The following CSMD1 variants were observed in gnomAD, a reference collection of about 807,000 sequenced individuals.
CSMD1 encodes the protein CUB and Sushi multiple domains 1, also known as CUB and sushi domain-containing protein 1.
In CSMD1, 213 loss-of-function variants were observed where a neutral mutation model predicts 417.5. The ratio of observed to expected loss-of-function variants is 0.51; its 90% CI spans 0.46 to 0.57. The LOEUF is 0.57. Among genes scored for constraint, CSMD1 ranks in the 20% least tolerant of loss-of-function variants. CSMD1 has a pLI of 0.00. For missense variants in CSMD1, 6,923 were observed against 4,529.7 expected (o/e 1.53, Z -15.17); for synonymous variants, 2,862 against 1,736.8 (o/e 1.65, Z -16.11).
At chr8:3,979,650 T>G (rs7004074) in intron 5 of CSMD1, among the ~76,000 whole-genome samples, 53,275 of 152,050 alleles carry the variant, frequency 0.35, 10,706 homozygotes, top group African/African-American at 0.55. Context: ...TCTCCCCGCC[T>G]TGTGAAGACG....
At chr8:3,155,609 C>T (rs1047263019) in intron 39 of CSMD1, among the ~76,000 whole-genome samples, 15 of 151,596 alleles carry the variant, frequency 9.9e-5, no homozygotes, top group African/African-American at 1.5e-4. Context: ...CTTCGTGATC[C>T]ACTCGCCTCA....
chr8:3,301,485 G>C (rs1264604067), intron 25 of CSMD1, among the ~76,000 whole-genome samples: 6 of 152,260 alleles, frequency 3.9e-5, no homozygotes, highest in South Asian at 2.1e-4. Flanking sequence ...GATGAGATCA[G>C]GGAACAACAC....
At chr8:3,307,868 A>T in intron 24 of CSMD1, 47 bp from the exon 25 acceptor site, 1 of 1,588,698 alleles carries the variant, frequency 6.3e-7, no homozygotes, top group South Asian at 1.2e-5. Context: ...CAGGCATCAC[A>T]TGTTTCTATT....
intron 2 of CSMD1, among the ~76,000 whole-genome samples, chr8:4,461,042 C>T (rs1439573799): frequency 2.0e-5 from 3 of 152,108 alleles, no homozygotes; most frequent in African/African-American, 7.2e-5. Flanking sequence ...GATCCAACAA[C>T]ATATAAAGCA....
At chr8:3,169,456 C>A (rs1467970755) in intron 37 of CSMD1, among the ~76,000 whole-genome samples, 1 of 151,856 alleles carries the variant, frequency 6.6e-6, no homozygotes, top group Admixed American at 6.6e-5. Context: ...CTCATATAAA[C>A]TATCTCTAGT....
At chr8:3,768,134 G>A (rs1798386021) in intron 5 of CSMD1, among the ~76,000 whole-genome samples, 1 of 150,776 alleles carries the variant, frequency 6.6e-6, no homozygotes, top group South Asian at 2.1e-4. Context: ...AAAGATAGCA[G>A]AGAGGGGGTG....
At chr8:4,113,795 C>G (rs1050300829) in intron 3 of CSMD1, among the ~76,000 whole-genome samples, 1 of 152,156 alleles carries the variant, frequency 6.6e-6, no homozygotes, top group Admixed American at 6.5e-5. Context: ...GCATAAAACA[C>G]CAAACCAGCT....
chr8:4,889,099 A>G (rs1288142163), intron 1 of CSMD1, among the ~76,000 whole-genome samples: 1 of 152,116 alleles, frequency 6.6e-6, no homozygotes, highest in Non-Finnish European at 1.5e-5. Context: ...TGAGAAACGG[A>G]ATATGTGCAA....
At chr8:4,634,087 C>G (rs1802694257) in intron 2 of CSMD1, among the ~76,000 whole-genome samples, 1 of 151,492 alleles carries the variant, frequency 6.6e-6, no homozygotes, top group Non-Finnish European at 1.5e-5. Flanking sequence ...AAATTTCTTC[C>G]CTGTGCTTAC....
intron 5 of CSMD1, among the ~76,000 whole-genome samples, chr8:3,908,526 A>T (rs1430405074): frequency 6.6e-6 from 1 of 151,854 alleles, no homozygotes; most frequent in African/African-American, 2.4e-5. Flanking sequence ...AAACAAAAAA[A>T]CTCCTAACCT....
intron 2 of CSMD1, among the ~76,000 whole-genome samples, chr8:4,467,343 G>C (rs896472310): frequency 1.2e-4 from 19 of 152,092 alleles, no homozygotes; most frequent in African/African-American, 3.9e-4. Context: ...ATTACTGAAT[G>C]TGTAATTCCT....
Position 4,994,549 on chromosome 8 carries a change from T to C in CSMD1, c.-133A>G. 1 of 764,126 alleles carries C rather than the reference T, an allele frequency of 1.3e-6. No homozygotes were observed. The highest frequency in any genetic ancestry group is 2.2e-6 in the Non-Finnish European group (1 of 463,882). 47.3% of individuals were successfully genotyped at this position (764,126 alleles called of 1,614,324 possible). ...GCCCGGTCCCAAGACCCGCCGCGCA[T>C]CCGACGCCTCCTGAAGGTCTGGGCG... On this transcript the variant is annotated 5_prime_UTR_variant, in exon 1 of 70. The change abolishes an upstream ATG in the 5' untranslated region. Coordinates refer to ENST00000635120, the MANE Select transcript of CSMD1 (RefSeq NM_033225.6).
chr8:4,084,386 T>C (rs1022890369), intron 3 of CSMD1, among the ~76,000 whole-genome samples: 1 of 152,110 alleles, frequency 6.6e-6, no homozygotes, highest in African/African-American at 2.4e-5. Context: ...AGAAACAATA[T>C]GCGATTTAAA....
intron 1 of CSMD1, among the ~76,000 whole-genome samples, chr8:4,941,707 T>C (rs1173115283): frequency 6.6e-6 from 1 of 152,138 alleles, no homozygotes; most frequent in Non-Finnish European, 1.5e-5. Context: ...CAAGCAATTC[T>C]CTCGCCTCAA....
chr8:4,676,925 G>C (rs1261789027), intron 1 of CSMD1, among the ~76,000 whole-genome samples: 1 of 146,424 alleles, frequency 6.8e-6, no homozygotes, highest in Non-Finnish European at 1.5e-5. Context: ...TATACATAGA[G>C]AGAGATGATA....
chr8:4,790,128 A>T (rs1325414002), intron 1 of CSMD1, among the ~76,000 whole-genome samples: 2 of 152,210 alleles, frequency 1.3e-5, no homozygotes, highest in Non-Finnish European at 2.9e-5. Flanking sequence ...TCCAATATTC[A>T]GTTCCTTTGG....
In CSMD1 at chr8:3,470,684, C is replaced by G. The variant is rs117124135; in HGVS notation, c.1449-1860G>C. On this transcript the variant is annotated intron_variant, in intron 11 of 69. Coordinates refer to ENST00000635120, the MANE Select transcript of CSMD1 (RefSeq NM_033225.6). The stretch of plus-strand genomic sequence containing the variant: ...TCACACTCATGCCCCTCTTGCTACA[C>G]CCCCTTCACTGTCCCTAACCCCTGG... 9.3e-3 allele frequency among the ~76,000 whole-genome samples: 1,413 copies of G among 152,232 alleles called. 9 individuals carry two copies. Among genetic ancestry groups the G allele is most frequent in the Admixed American group, 0.014 (217 of 15,278 alleles).
chr8:3,789,320 A>C (rs1799603985), intron 5 of CSMD1, among the ~76,000 whole-genome samples: 1 of 150,816 alleles, frequency 6.6e-6, no homozygotes, highest in Admixed American at 6.6e-5. Context: ...TGACAGCCCC[A>C]ACAGACTAAT....
chr8:2,982,760 C>G (rs1405239958), intron 54 of CSMD1, among the ~76,000 whole-genome samples: 23 of 152,204 alleles, frequency 1.5e-4, no homozygotes, highest in Admixed American at 9.2e-4. Context: ...TCGCTTCTTT[C>G]CAGAACCCAA....
Sources: gnomAD v4.1 joint callset for allele counts (sites outside exome capture counted in the v4.1 genomes callset) on GRCh38, gnomAD v4.1.1 for gene constraint, MANE v1.5 for transcripts, NCBI Gene and HGNC (gene_info 2026-07-23, HGNC 2026-07-21) for gene names.